The following JMY variants were observed in gnomAD, a reference collection of about 807,000 sequenced individuals.
JMY encodes junction mediating and regulatory protein, p53 cofactor.
Under a neutral mutation model 103.3 loss-of-function variants are expected in JMY, and 46 were observed. The ratio of observed to expected loss-of-function variants is 0.45; its 90% CI spans 0.35 to 0.57. The LOEUF is 0.57. JMY is among the 20% of genes least tolerant of loss of function. The pLI, the probability that JMY is intolerant of heterozygous loss-of-function variation, is 0.00. For synonymous variants in JMY, 526 were observed against 489.3 expected (o/e 1.07, Z -0.99); for missense variants, 1,238 against 1,255.2 (o/e 0.99, Z 0.21).
intron 2 of JMY, among the ~76,000 whole-genome samples, chr5:79,281,889 G>A: frequency 6.6e-6 from 1 of 152,154 alleles, no homozygotes; most frequent in East Asian, 1.9e-4. Flanking sequence ...AACACAAAGA[G>A]CATAAACTTT....
Position 79,291,113 on chromosome 5 carries a change from T to TA in JMY, c.1358-11dup. On this transcript the variant is annotated splice_polypyrimidine_tract_variant and intron_variant, in intron 3 of 10. Coordinates refer to ENST00000396137, the MANE Select transcript of JMY (RefSeq NM_152405.5). ...GTTGTTATTTGTCTTAATTTCTCTTTAAAAAATTATTAATAGCTGTGTATG... is the reference window on the plus strand; with the variant it reads ...GTTGTTATTTGTCTTAATTTCTCTTTAAAAAAATTATTAATAGCTGTGTATG... 6.5e-7 allele frequency: 1 copy of TA among 1,527,032 alleles called. No homozygotes were observed. The highest frequency in any genetic ancestry group is 1.7e-4 in the Middle Eastern group (1 of 5,722). 94.6% of individuals were successfully genotyped at this position (1,527,032 alleles called of 1,614,324 possible).
At chr5:79,300,558 C>A in intron 5 of JMY, 118 bp from the exon 6 acceptor site, 1 of 814,974 alleles carries the variant, frequency 1.2e-6, no homozygotes, top group Non-Finnish European at 1.9e-6. Context: ...TACAAAGAAG[C>A]TTAAGAGATA....
chr5:79,323,813 A>G lies in JMY; in HGVS notation c.*2211A>G, dbSNP rs184447397. ...TCTTCCAGAGTGTGCTGTAATCATA[A>G]GTCTCTAGCAAAGAGTGGAGGGTGG... On this transcript the variant is annotated 3_prime_UTR_variant, in exon 11 of 11. Transcript: ENST00000396137. The G allele has an allele frequency of 1.6e-4, 24 of 152,310 alleles. No homozygotes were observed. Among genetic ancestry groups the G allele is most frequent in the African/African-American group, 5.8e-4 (24 of 41,572 alleles). 9.4% of individuals were successfully genotyped at this position (152,310 alleles called of 1,614,324 possible).
chr5:79,262,212 A>C (rs569489758), intron 1 of JMY, among the ~76,000 whole-genome samples: 2 of 152,194 alleles, frequency 1.3e-5, no homozygotes, highest in Non-Finnish European at 2.9e-5. Context: ...TGCATCTTTC[A>C]CATTTTAGGT....
intron 1 of JMY, among the ~76,000 whole-genome samples, chr5:79,245,910 C>T (rs982049453): frequency 3.3e-5 from 5 of 152,118 alleles, no homozygotes; most frequent in African/African-American, 1.2e-4. Context: ...CAGGTGTGAG[C>T]CACTGCACCC....
intron 1 of JMY, among the ~76,000 whole-genome samples, chr5:79,273,447 T>C (rs563620979): frequency 1.2e-4 from 19 of 152,346 alleles, no homozygotes; most frequent in African/African-American, 4.3e-4. Flanking sequence ...GAATTTCTCT[T>C]TTATTTTTGA....
intron 1 of JMY, among the ~76,000 whole-genome samples, chr5:79,247,706 A>G (rs953586610): frequency 2.6e-5 from 4 of 151,678 alleles, no homozygotes; most frequent in African/African-American, 4.8e-5. Context: ...AGGATGGAGT[A>G]TAGTGGCACA....
At chr5:79,268,433 T>C (rs1238727989) in intron 1 of JMY, among the ~76,000 whole-genome samples, 1 of 152,174 alleles carries the variant, frequency 6.6e-6, no homozygotes, top group African/African-American at 2.4e-5. Flanking sequence ...CATTTTGATT[T>C]ATAATTCCCT....
intron 2 of JMY, chr5:79,284,189 T>C: frequency 1.3e-6 from 2 of 1,560,590 alleles, no homozygotes; most frequent in Non-Finnish European, 1.7e-6. Context: ...CTTTAGCACC[T>C]CTCTCGTCCC....
At chr5:79,255,680 C>G (rs1745218594) in intron 1 of JMY, among the ~76,000 whole-genome samples, 1 of 152,214 alleles carries the variant, frequency 6.6e-6, no homozygotes, top group Non-Finnish European at 1.5e-5. Flanking sequence ...TTGTTGCAGA[C>G]TCATAAAGGT....
chr5:79,306,452 A>C lies in JMY; in HGVS notation c.1959A>C (p.Thr653=), dbSNP rs761798654. 1 of 1,604,716 alleles carries C rather than the reference A, an allele frequency of 6.2e-7. No individual in the cohort carries two copies. Among genetic ancestry groups the C allele is most frequent in the Admixed American group, 1.7e-5 (1 of 59,098 alleles). ...RIEDEYRTHH[T]VQLKREKLHD... is the part of the protein sequence containing the mutation. Reference sequence around the variant, plus strand: ...AAGATGAATATAGAACCCATCACACAGTACAACTAGTAAGTTTGGATTCGA... The same window carrying C: ...AAGATGAATATAGAACCCATCACACCGTACAACTAGTAAGTTTGGATTCGA... The change falls in exon 7 of 11, where the codon ACA becomes ACC. Residue 653 remains threonine (T), a synonymous_variant. Transcript: ENST00000396137.
intron 2 of JMY, among the ~76,000 whole-genome samples, chr5:79,281,942 A>T (rs1006741356): frequency 6.6e-6 from 1 of 152,204 alleles, no homozygotes; most frequent in African/African-American, 2.4e-5. Flanking sequence ...GTAGTGGCTC[A>T]TGCCTGTAAT....
intron 2 of JMY, among the ~76,000 whole-genome samples, chr5:79,288,572 A>G (rs1201563023): frequency 6.6e-6 from 1 of 152,082 alleles, no homozygotes; most frequent in Non-Finnish European, 1.5e-5. Context: ...ATTTCCAGAT[A>G]TTACTCATTA....
Position 79,237,367 on chromosome 5 carries a change from C to G in JMY, c.717C>G (p.Arg239=). ...WAGLFSFQDL[R]AVHQQLCSVN... Reference sequence around the variant, plus strand: ...GACTGTTTTCTTTCCAGGACCTGCGCGCCGTGCACCAGCAGCTGTGCTCGG... The same window carrying G: ...GACTGTTTTCTTTCCAGGACCTGCGGGCCGTGCACCAGCAGCTGTGCTCGG... The change falls in exon 1 of 11, where the codon CGC becomes CGG. Residue 239 remains arginine, a synonymous_variant. Transcript: ENST00000396137. The G allele has an allele frequency of 3.1e-6, 5 of 1,612,820 alleles. No homozygotes were observed. The highest frequency in any genetic ancestry group is 3.4e-6 in the Non-Finnish European group (4 of 1,179,730).
At chr5:79,299,645 T>C (rs1746672776) in intron 4 of JMY, among the ~76,000 whole-genome samples, 1 of 152,194 alleles carries the variant, frequency 6.6e-6, no homozygotes, top group African/African-American at 2.4e-5. Flanking sequence ...TCTTCTGCTG[T>C]TCCAGTCACA....
At chr5:79,254,472 G>A (rs1056229790) in intron 1 of JMY, among the ~76,000 whole-genome samples, 6 of 152,074 alleles carry the variant, frequency 3.9e-5, no homozygotes, top group South Asian at 2.1e-4. Flanking sequence ...ATGTCATGCC[G>A]CTCTCTCCTG....
At chr5:79,266,316 A>G (rs1188935185) in intron 1 of JMY, among the ~76,000 whole-genome samples, 1 of 152,248 alleles carries the variant, frequency 6.6e-6, no homozygotes, top group Non-Finnish European at 1.5e-5. Flanking sequence ...ACCTAGTGGT[A>G]GAATCACAGA....
chr5:79,301,361 T>TTA (rs1427662860), intron 6 of JMY, among the ~76,000 whole-genome samples: 1 of 152,232 alleles, frequency 6.6e-6, no homozygotes, highest in African/African-American at 2.4e-5. Context: ...CTAGTCACTG[T>TTA]AAGTGTAGAG....
chr5:79,324,261 G>A lies in JMY; in HGVS notation c.*2659G>A, dbSNP rs1747558741. 1 of 151,998 alleles carries A rather than the reference G, an allele frequency of 6.6e-6. No individual in the cohort carries two copies. Among genetic ancestry groups the A allele is most frequent in the Non-Finnish European group, 1.5e-5 (1 of 68,026 alleles). 9.4% of individuals were successfully genotyped at this position (151,998 alleles called of 1,614,324 possible). On this transcript the variant is annotated 3_prime_UTR_variant, in exon 11 of 11. Coordinates refer to ENST00000396137, the MANE Select transcript of JMY (RefSeq NM_152405.5). Reference sequence around the variant, plus strand: ...GCCTCTAATAAAATCAGGATCTTCGGCCTTGATACTAAATATGTGTATATT... The same window carrying A: ...GCCTCTAATAAAATCAGGATCTTCGACCTTGATACTAAATATGTGTATATT...
Sources: gnomAD v4.1 joint callset for allele counts (sites outside exome capture counted in the v4.1 genomes callset) on GRCh38, gnomAD v4.1.1 for gene constraint, MANE v1.5 for transcripts, NCBI Gene and HGNC (gene_info 2026-07-23, HGNC 2026-07-21) for gene names.